The following UNC5C variants were observed in gnomAD, a reference collection of about 807,000 sequenced individuals.
The protein encoded by UNC5C is netrin receptor UNC5C.
A neutral mutation model predicts 99.8 loss-of-function variants in UNC5C; 47 were observed. The observed-to-expected ratio is 0.47, with a 90% CI of 0.37 to 0.60. The LOEUF is 0.60. UNC5C is among the 20% of genes least tolerant of loss of function. The probability of loss-of-function intolerance (pLI) is 0.00; values close to 1 mark genes in which losing one functional copy is unlikely to be tolerated. For synonymous variants in UNC5C, 487 were observed against 452.2 expected (o/e 1.08, Z -0.98); for missense variants, 1,062 against 1,165.9 (o/e 0.91, Z 1.30).
chr4:95,352,328 C>T (rs1253094747), intron 1 of UNC5C, among the ~76,000 whole-genome samples: 1 of 152,108 alleles, frequency 6.6e-6, no homozygotes, highest in Non-Finnish European at 1.5e-5. Context: ...ACTTGCCCTT[C>T]ACTTCTCTAG....
intron 1 of UNC5C, among the ~76,000 whole-genome samples, chr4:95,418,167 G>A (rs557057264): frequency 6.6e-6 from 1 of 152,286 alleles, no homozygotes; most frequent in Non-Finnish European, 1.5e-5. Flanking sequence ...TTAGGTGAAG[G>A]AGCAGTGAGG....
At chr4:95,270,550 C>A (rs1448178173) in intron 4 of UNC5C, among the ~76,000 whole-genome samples, 1 of 152,206 alleles carries the variant, frequency 6.6e-6, no homozygotes, top group East Asian at 1.9e-4. Context: ...GGGAAACACT[C>A]TCTTAATTGC....
chr4:95,219,498 T>C (rs1445175656), intron 8 of UNC5C, among the ~76,000 whole-genome samples, 185 bp from the exon 9 acceptor site: 2 of 152,198 alleles, frequency 1.3e-5, no homozygotes, highest in Admixed American at 1.3e-4. Flanking sequence ...TTATTGGCTG[T>C]AAGTAAGTGG....
At chr4:95,276,914 G>C (rs1579289450) in intron 4 of UNC5C, among the ~76,000 whole-genome samples, 1 of 152,060 alleles carries the variant, frequency 6.6e-6, no homozygotes, top group African/African-American at 2.4e-5. Context: ...GACTCATAGA[G>C]ATATGAATGG....
intron 1 of UNC5C, among the ~76,000 whole-genome samples, chr4:95,387,663 C>T (rs1745249652): frequency 6.6e-6 from 1 of 152,088 alleles, no homozygotes; most frequent in Admixed American, 6.6e-5. Context: ...GACTGCTGTC[C>T]CATGAACTTT....
chr4:95,285,140 C>T (rs890441421), intron 3 of UNC5C, among the ~76,000 whole-genome samples: 1 of 152,110 alleles, frequency 6.6e-6, no homozygotes, highest in Non-Finnish European at 1.5e-5. Context: ...TATTATCTCA[C>T]CAAAGGTACT....
At chr4:95,347,164 A>C (rs1036517786) in intron 1 of UNC5C, among the ~76,000 whole-genome samples, 3 of 152,106 alleles carry the variant, frequency 2.0e-5, no homozygotes, top group African/African-American at 7.2e-5. Flanking sequence ...TCCCATTTAC[A>C]GTGGCTACAA....
chr4:95,425,941 A>G (rs750604164), intron 1 of UNC5C, among the ~76,000 whole-genome samples: 2 of 152,100 alleles, frequency 1.3e-5, no homozygotes, highest in Non-Finnish European at 2.9e-5. Context: ...GATATTCCTA[A>G]TCATAACTAG....
intron 1 of UNC5C, among the ~76,000 whole-genome samples, chr4:95,408,398 T>A (rs1378175130): frequency 6.6e-6 from 1 of 152,186 alleles, no homozygotes; most frequent in Non-Finnish European, 1.5e-5. Flanking sequence ...ATAAATGCAT[T>A]CAGTCTGTTT....
At chr4:95,289,538 C>T (rs924949891) in intron 3 of UNC5C, among the ~76,000 whole-genome samples, 1 of 152,166 alleles carries the variant, frequency 6.6e-6, no homozygotes, top group Non-Finnish European at 1.5e-5. Context: ...ACTCACTGAA[C>T]AATGGTGTTG....
intron 3 of UNC5C, among the ~76,000 whole-genome samples, chr4:95,294,314 TGTA>T (rs1297525545): frequency 6.6e-6 from 1 of 152,144 alleles, no homozygotes; most frequent in African/African-American, 2.4e-5. Flanking sequence ...GGGTCACAAA[TGTA>T]GTTATTCTCT....
intron 2 of UNC5C, among the ~76,000 whole-genome samples, chr4:95,334,295 T>C (rs761877291): frequency 2.0e-5 from 3 of 151,984 alleles, no homozygotes; most frequent in Non-Finnish European, 4.4e-5. Flanking sequence ...TAATCCAACA[T>C]TTGGGAACAA....
intron 1 of UNC5C, among the ~76,000 whole-genome samples, chr4:95,339,458 A>G (rs895872531): frequency 2.6e-5 from 4 of 151,952 alleles, no homozygotes; most frequent in Admixed American, 6.6e-5. Flanking sequence ...ACCATACTAC[A>G]AAAAAACCCC....
rs377082749 is a variant in UNC5C, at chr4:95,480,149, G to A, written c.124+68585C>T. Among the ~76,000 whole-genome samples the A allele has an allele frequency of 4.6e-5, 7 of 151,334 alleles. No individual in the cohort carries two copies. The East Asian group carries it at 1.2e-3, about 25-fold the overall frequency. ...GACTTCTCAGTCTCTATAACTGTCTGAGCCAATTCCTTATAATAAATAAAT... is the reference window on the plus strand; with the variant it reads ...GACTTCTCAGTCTCTATAACTGTCTAAGCCAATTCCTTATAATAAATAAAT... On this transcript the variant is annotated intron_variant, in intron 1 of 15. Coordinates refer to ENST00000453304, the MANE Select transcript of UNC5C (RefSeq NM_003728.4).
chr4:95,386,698 C>T (rs1745220303), intron 1 of UNC5C, among the ~76,000 whole-genome samples: 1 of 152,228 alleles, frequency 6.6e-6, no homozygotes, highest in East Asian at 1.9e-4. Flanking sequence ...CTCTCAGGGG[C>T]AAAAATGTTG....
intron 1 of UNC5C, among the ~76,000 whole-genome samples, chr4:95,536,866 G>A (rs1272811912): frequency 6.6e-6 from 1 of 152,100 alleles, no homozygotes; most frequent in Non-Finnish European, 1.5e-5. Flanking sequence ...TGGGATTTTG[G>A]TTAGTAATTT....
Position 95,190,449 on chromosome 4 carries a change from C to A in UNC5C, c.2137-5253G>T, listed in dbSNP as rs1737033036. Among the ~76,000 whole-genome samples, 3 of 152,110 alleles carry A rather than the reference C, an allele frequency of 2.0e-5. No individual in the cohort carries two copies. The South Asian group carries it at 6.2e-4, about 32-fold the overall frequency. ...GCACATGTATACATATGTAACAAAC[C>A]TGCACATTGTGCACATGTACCCGAG... On this transcript the variant is annotated intron_variant, in intron 12 of 15. Transcript: ENST00000453304.
chr4:95,482,183 C>A (rs1165786201), intron 1 of UNC5C, among the ~76,000 whole-genome samples: 2 of 151,708 alleles, frequency 1.3e-5, no homozygotes, highest in African/African-American at 4.8e-5. Context: ...ACAAACCCAT[C>A]AAAAAGTGGG....
At chr4:95,534,966 T>C (rs1180868486) in intron 1 of UNC5C, among the ~76,000 whole-genome samples, 1 of 152,148 alleles carries the variant, frequency 6.6e-6, no homozygotes, top group Non-Finnish European at 1.5e-5. Flanking sequence ...AGTTTAAATG[T>C]TAGCAAAGGG....
Sources: gnomAD v4.1 joint callset for allele counts (sites outside exome capture counted in the v4.1 genomes callset) on GRCh38, gnomAD v4.1.1 for gene constraint, MANE v1.5 for transcripts, NCBI Gene and HGNC (gene_info 2026-07-23, HGNC 2026-07-21) for gene names.